Variants in ZNF385D observed in about 807,000 individuals in gnomAD.
ZNF385D encodes the protein zinc finger protein 385D, also known as zinc finger protein 659.
A neutral mutation model predicts 35.8 loss-of-function variants in ZNF385D; 15 were observed. That is an observed-to-expected ratio of 0.42 (90% confidence interval 0.28 to 0.64). The LOEUF (loss-of-function observed/expected upper bound fraction) is 0.64, where lower values mean the gene tolerates loss of function less well. ZNF385D is among the 30% of genes least tolerant of loss of function. The pLI, the probability that ZNF385D is intolerant of heterozygous loss-of-function variation, is 0.23. For synonymous variants in ZNF385D, 212 were observed against 186.8 expected (o/e 1.13, Z -1.10); for missense variants, 474 against 494.6 (o/e 0.96, Z 0.39).
chr3:21,527,685 A>G (rs1708310369), intron 3 of ZNF385D, among the ~76,000 whole-genome samples: 1 of 152,058 alleles, frequency 6.6e-6, no homozygotes, highest in Non-Finnish European at 1.5e-5. Context: ...AATGGCCATG[A>G]CTTGCTAAAT....
intron 2 of ZNF385D, among the ~76,000 whole-genome samples, chr3:22,359,254 A>C (rs1696303090): frequency 1.3e-5 from 2 of 151,824 alleles, no homozygotes; most frequent in South Asian, 4.1e-4. Flanking sequence ...GATTAACTTA[A>C]AATATACACA....
At chr3:21,423,738 C>T (rs1166402405) in intron 7 of ZNF385D, among the ~76,000 whole-genome samples, 1 of 152,074 alleles carries the variant, frequency 6.6e-6, no homozygotes, top group African/African-American at 2.4e-5. Context: ...ACCTTCCTTC[C>T]AAAAGTACTA....
intron 2 of ZNF385D, among the ~76,000 whole-genome samples, chr3:22,229,558 T>C (rs545815305): frequency 2.0e-5 from 3 of 152,318 alleles, no homozygotes; most frequent in South Asian, 2.1e-4. Flanking sequence ...TAGAGGAGTG[T>C]TGCTCTCTCC....
At chr3:21,929,930 G>A (rs924053123) in intron 3 of ZNF385D, among the ~76,000 whole-genome samples, 9 of 152,090 alleles carry the variant, frequency 5.9e-5, no homozygotes, top group South Asian at 2.1e-4. Context: ...CTGGATTTCT[G>A]TAGAAATTGC....
chr3:22,153,077 A>G (rs1289246465), intron 3 of ZNF385D, among the ~76,000 whole-genome samples: 1 of 152,158 alleles, frequency 6.6e-6, no homozygotes, highest in African/African-American at 2.4e-5. Context: ...AAAACTGACC[A>G]ATGTACTACT....
chr3:21,723,906 T>A (rs928841494), intron 1 of ZNF385D, among the ~76,000 whole-genome samples: 11 of 151,988 alleles, frequency 7.2e-5, no homozygotes, highest in African/African-American at 2.4e-4. Flanking sequence ...GAGAGAAAGG[T>A]CAGGTTACCC....
chr3:22,180,068 T>A (rs142186135), intron 2 of ZNF385D, among the ~76,000 whole-genome samples: 12 of 151,658 alleles, frequency 7.9e-5, no homozygotes, highest in African/African-American at 2.2e-4. Context: ...AAAGAGAGAA[T>A]AATCAAATAG....
rs9853635 is a variant in ZNF385D at position 21,709,209 on chromosome 3, C to T, written c.22+41686G>A. Among the ~76,000 whole-genome samples, 655 of 152,288 alleles carry T rather than the reference C, an allele frequency of 4.3e-3. 7 individuals carry two copies. Among genetic ancestry groups the T allele is most frequent in the African/African-American group, 0.015 (610 of 41,566 alleles). On this transcript the variant is annotated intron_variant, in intron 1 of 7. Transcript: ENST00000281523. ...ATTTTCCATCTCCTTCAGGATCTCACGTTCCTTTCAGAAACAATGATACAC... is the reference window on the plus strand; with the variant it reads ...ATTTTCCATCTCCTTCAGGATCTCATGTTCCTTTCAGAAACAATGATACAC...
intron 2 of ZNF385D, among the ~76,000 whole-genome samples, chr3:22,297,241 C>T (rs937702313): frequency 1.3e-5 from 2 of 152,158 alleles, no homozygotes; most frequent in Non-Finnish European, 2.9e-5. Context: ...AACCCCAGAT[C>T]CCCCCAATAG....
intron 2 of ZNF385D, among the ~76,000 whole-genome samples, chr3:21,608,012 C>CTTCTTTTTTTTTTTTTTTTTT (rs2064536095): frequency 3.2e-5 from 4 of 123,954 alleles, no homozygotes; most frequent in African/African-American, 1.3e-4. Context: ...TCTTTTTCTT[C>CTTCTTTTTTTTTTTTTTTTTT]TTTTTTTTTT....
At chr3:21,953,528 C>T (rs1262996513) in intron 3 of ZNF385D, among the ~76,000 whole-genome samples, 1 of 151,978 alleles carries the variant, frequency 6.6e-6, no homozygotes, top group Non-Finnish European at 1.5e-5. Flanking sequence ...TATCAAATGG[C>T]TAAAATACAG....
chr3:21,427,944 C>T (rs1350014549), intron 5 of ZNF385D, among the ~76,000 whole-genome samples: 1 of 152,032 alleles, frequency 6.6e-6, no homozygotes, highest in Non-Finnish European at 1.5e-5. Flanking sequence ...GGGAAGGGAA[C>T]TTCAATTAAT....
intron 5 of ZNF385D, among the ~76,000 whole-genome samples, chr3:21,429,207 A>C (rs949780308): frequency 6.6e-6 from 1 of 151,934 alleles, no homozygotes; most frequent in African/African-American, 2.4e-5. Flanking sequence ...TTTAAAAAAA[A>C]TTTTAAGGAA....
chr3:22,310,473 T>C (rs1703478232), intron 2 of ZNF385D, among the ~76,000 whole-genome samples: 2 of 152,010 alleles, frequency 1.3e-5, no homozygotes, highest in Non-Finnish European at 2.9e-5. Flanking sequence ...TTTTAGAACA[T>C]TTATGCTATA....
intron 3 of ZNF385D, among the ~76,000 whole-genome samples, chr3:21,562,462 C>T (rs1314284646): frequency 6.6e-6 from 1 of 151,974 alleles, no homozygotes; most frequent in Admixed American, 6.6e-5. Flanking sequence ...AAGACCTTGC[C>T]TGGATGTAAG....
At chr3:21,550,205 T>C (rs2062518910) in intron 3 of ZNF385D, among the ~76,000 whole-genome samples, 1 of 152,026 alleles carries the variant, frequency 6.6e-6, no homozygotes, top group African/African-American at 2.4e-5. Flanking sequence ...CCATTATTGG[T>C]TTTTGTTTTT....
chr3:21,440,113 A>T (rs1050870978), intron 4 of ZNF385D, among the ~76,000 whole-genome samples: 2 of 152,110 alleles, frequency 1.3e-5, no homozygotes, highest in Non-Finnish European at 2.9e-5. Context: ...CAAGAAAGTA[A>T]GGTAAATATA....
At chr3:22,110,297 C>G (rs1576337217) in intron 3 of ZNF385D, among the ~76,000 whole-genome samples, 1 of 151,820 alleles carries the variant, frequency 6.6e-6, no homozygotes, top group East Asian at 1.9e-4. Context: ...GGTATATACC[C>G]AAAGGATTAT....
At chr3:21,474,869 T>G (rs1212149072) in intron 4 of ZNF385D, among the ~76,000 whole-genome samples, 2 of 152,106 alleles carry the variant, frequency 1.3e-5, no homozygotes, top group Non-Finnish European at 2.9e-5. Context: ...CATGTTTTTT[T>G]GAATAGCTTT....
Sources: gnomAD v4.1 joint callset for allele counts (sites outside exome capture counted in the v4.1 genomes callset) on GRCh38, gnomAD v4.1.1 for gene constraint, MANE v1.5 for transcripts, NCBI Gene and HGNC (gene_info 2026-07-23, HGNC 2026-07-21) for gene names.